KMT2B: variants seen among roughly 807,000 people sequenced by gnomAD.
KMT2B encodes histone-lysine N-methyltransferase 2B.
A neutral mutation model predicts 255.3 loss-of-function variants in KMT2B; 22 were observed. That is an observed-to-expected ratio of 0.09 (90% confidence interval 0.06 to 0.12). The LOEUF (loss-of-function observed/expected upper bound fraction) is 0.12, where lower values mean the gene tolerates loss of function less well. Among genes scored for constraint, KMT2B ranks in the 10% least tolerant of loss-of-function variants. The pLI is 1.00. For missense variants in KMT2B, 3,149 were observed against 3,737.0 expected (o/e 0.84, Z 4.10); for synonymous variants, 1,730 against 1,498.1 (o/e 1.15, Z -3.57).
At chr19:35,734,719 G>A (rs3848663) in intron 30 of KMT2B, among the ~76,000 whole-genome samples, 22,970 of 152,086 alleles carry the variant, frequency 0.15, 1,868 homozygotes, top group South Asian at 0.27. Context: ...GTGGAGTGGT[G>A]GAGTTTTCTG....
Position 35,733,527 on chromosome 19 carries a change from G to C in KMT2B, c.6959+19G>C. 6.4e-7 allele frequency: 1 copy of C among 1,553,620 alleles called. No individual in the cohort carries two copies. Among genetic ancestry groups the C allele is most frequent in the African/African-American group, 1.4e-5 (1 of 73,276 alleles). ...GTGGCGGGTGAGTGCGGGTGCTGAG[G>C]CTGGCAGAGCAGGCAAGGGGGCAGA... On this transcript the variant is annotated intron_variant, in intron 28 of 36. Coordinates refer to ENST00000420124, the MANE Select transcript of KMT2B (RefSeq NM_014727.3). This position sits in a 1 kb window ranked among gnomAD's most constrained non-coding sequence, Gnocchi z 4.3.
Position 35,738,615 on chromosome 19 carries a change from CCCCTAGCCTGGGGGCT to C in KMT2B, c.*67_*82del. 1.9e-6 allele frequency: 3 copies of C among 1,559,764 alleles called. No homozygotes were observed. The highest frequency in any genetic ancestry group is 1.8e-5 in the Admixed American group (1 of 55,408). ...TCCTGCTGCCGTCGCTGCCATCTTG[CCCCTAGCCTGGGGGCT>C]CCCTAGCCCCTCCCAGAGCATCTCA... On this transcript the variant is annotated 3_prime_UTR_variant, in exon 37 of 37. Coordinates refer to ENST00000420124, the MANE Select transcript of KMT2B (RefSeq NM_014727.3). The surrounding 1 kb of genome is among the most constrained non-coding windows in gnomAD (Gnocchi z 8.7).
chr19:35,727,759 G>T lies in KMT2B; in HGVS notation c.4364G>T (p.Arg1455Leu). 1 of 1,613,874 alleles carries T rather than the reference G, an allele frequency of 6.2e-7. No individual in the cohort carries two copies. The highest frequency in any genetic ancestry group is 2.2e-5 in the East Asian group (1 of 44,876). ...TGCGGCCTGCAAGCTGTGAGTCAGC[G>T]CTTCGAGGATGGCCACTACAAGTCT... ...GPCGLQAVSQ[R>L]FEDGHYKSVH... The change falls in exon 17 of 37, where the codon CGC becomes CTC. Residue 1455 changes from arginine to leucine, a missense_variant. By Grantham distance (102) the Arg-to-Leu change is moderately radical (BLOSUM62 -2). This residue lies in a region of KMT2B where 377 missense variants were observed against 471.0 expected (regional missense o/e 0.80). Coordinates refer to ENST00000420124, the MANE Select transcript of KMT2B (RefSeq NM_014727.3). This position sits in a 1 kb window ranked among gnomAD's most constrained non-coding sequence, Gnocchi z 4.2.
intron 1 of KMT2B, 86 bp from the exon 2 acceptor site, chr19:35,719,383 T>C: frequency 1.1e-6 from 1 of 951,732 alleles, no homozygotes; most frequent in Non-Finnish European, 1.6e-6. Flanking sequence ...AAGTGGGAAC[T>C]GGGGATATTC....
chr19:35,729,723 C>T (rs1293895845), intron 22 of KMT2B, among the ~76,000 whole-genome samples: 5 of 152,176 alleles, frequency 3.3e-5, no homozygotes, highest in East Asian at 1.9e-4. Flanking sequence ...ACACAACCTC[C>T]GCCTGAAAAC....
In KMT2B at chr19:35,721,207, T is replaced by TCCGCCC; in HGVS notation, c.1862_1863insGCCCCC (p.Pro622_Pro623dup). 1.0e-6 allele frequency: 1 copy of TCCGCCC among 986,244 alleles called. No homozygotes were observed. The highest frequency in any genetic ancestry group is 1.9e-5 in the South Asian group (1 of 53,220). 61.1% of individuals were successfully genotyped at this position (986,244 alleles called of 1,614,324 possible). A position where few individuals can be genotyped will look rare whatever the true frequency, so the allele number is the denominator to read the frequency against. On this transcript the variant is annotated inframe_insertion, in exon 3 of 37. Coordinates refer to ENST00000420124, the MANE Select transcript of KMT2B (RefSeq NM_014727.3). ...CCTCACTGACCCGGGAGCTGCCCCC[T>TCCGCCC]CCTCCCCCAGCCCCTCCACCTCCCC...
intron 30 of KMT2B, among the ~76,000 whole-genome samples, chr19:35,734,985 A>T (rs911947237): frequency 6.6e-6 from 1 of 152,192 alleles, no homozygotes; most frequent in African/African-American, 2.4e-5. Flanking sequence ...CAGGGATCAG[A>T]CCACATTTTG....
At position 35,733,269 on chromosome 19, in the gene KMT2B, C is replaced by A. The variant is rs923176238; in HGVS notation, c.6720C>A (p.Leu2240=). Residue 2240 remains leucine (L), a synonymous_variant, in exon 28 of 37, where the codon CTC becomes CTA. Coordinates refer to ENST00000420124, the MANE Select transcript of KMT2B (RefSeq NM_014727.3). This position sits in a 1 kb window ranked among gnomAD's most constrained non-coding sequence, Gnocchi z 4.3. The part of the protein sequence containing the change: ...TSWTLPPGPL[L]GVLPVVGVVR... ...GGACTCTGCCCCCAGGCCCCCTCCT[C>A]GGCGTGCTGCCCGTGGTCGGAGTGG... 1.4e-6 allele frequency: 2 copies of A among 1,477,288 alleles called. No individual in the cohort carries two copies. Among genetic ancestry groups the A allele is most frequent in the Non-Finnish European group, 1.8e-6 (2 of 1,083,868 alleles). The allele number at this position is 1,477,288 out of a possible 1,614,324, so 91.5% of individuals were successfully genotyped here.
rs79037832 is a variant in KMT2B at position 35,726,504 on chromosome 19, GTCCA to G, written c.4003+156_4003+159del. Among the ~76,000 whole-genome samples the G allele has an allele frequency of 2.6e-4, 39 of 152,268 alleles. No individual in the cohort carries two copies. The East Asian group carries it at 6.9e-3, about 27-fold the overall frequency. On this transcript the variant is annotated intron_variant, in intron 14 of 36. Coordinates refer to ENST00000420124, the MANE Select transcript of KMT2B (RefSeq NM_014727.3). ...CAACTCAGGGAACTCTTCCACAGGA[GTCCA>G]TCCAGTATGTAAAACAGGGACACAT...
rs1410232890 is a variant in KMT2B, at chr19:35,733,879, A to G, written c.7159+7A>G. On this transcript the variant is annotated splice_region_variant and intron_variant, in intron 30 of 36. Transcript: ENST00000420124. This position sits in a 1 kb window ranked among gnomAD's most constrained non-coding sequence, Gnocchi z 4.3. The stretch of plus-strand genomic sequence containing the variant: ...CAGTGGCACCACTATTCAGGTAGGG[A>G]CCGGCCTTGCCCTCTCCCTCCTTGC... 1.2e-6 allele frequency: 2 copies of G among 1,600,900 alleles called. No individual in the cohort carries two copies. Among genetic ancestry groups the G allele is most frequent in the Non-Finnish European group, 1.7e-6 (2 of 1,168,778 alleles).
Position 35,737,098 on chromosome 19 carries a change from C to T in KMT2B, c.7385C>T (p.Ala2462Val), listed in dbSNP as rs751795961. ...RHLSFSGMSG[A>V]RLLGIHHDAV... is the part of the protein sequence containing the mutation. ...CATCTCCCCTCAGGAATGAGTGGGG[C>T]GAGACTCCTGGGCATCCACCATGAT... The change falls in exon 33 of 37, where the codon GCG (alanine) becomes GTG (valine). Residue 2462 changes from alanine to valine, a missense_variant. Ala to Val is a moderately conservative substitution (Grantham distance 64). This residue lies in a region of KMT2B where 103 missense variants were observed against 200.7 expected (regional missense o/e 0.51). Coordinates refer to ENST00000420124, the MANE Select transcript of KMT2B (RefSeq NM_014727.3). This position sits in a 1 kb window ranked among gnomAD's most constrained non-coding sequence, Gnocchi z 5.3. 5.0e-6 allele frequency: 8 copies of T among 1,609,704 alleles called. No individual in the cohort carries two copies. The highest frequency in any genetic ancestry group is 1.1e-5 in the South Asian group (1 of 90,618).
At chr19:35,730,676 A>G (rs555434245) in intron 25 of KMT2B, 31 bp from the exon 26 acceptor site, 7 of 1,613,802 alleles carry the variant, frequency 4.3e-6, no homozygotes, top group Non-Finnish European at 5.9e-6. Context: ...CCATTTCCCA[A>G]GCATCCTAAC....
chr19:35,722,449 G>A lies in KMT2B; in HGVS notation c.2548G>A (p.Glu850Lys). 17 of 1,609,094 alleles carry A rather than the reference G, an allele frequency of 1.1e-5. No individual in the cohort carries two copies. The highest frequency in any genetic ancestry group is 1.4e-5 in the Non-Finnish European group (17 of 1,179,792). The change falls in exon 4 of 37, where the codon GAA becomes AAA. Residue 850 changes from glutamate (E) to lysine (K), a missense_variant. Glu to Lys is a moderately conservative substitution (Grantham distance 56, BLOSUM62 1). Coordinates refer to ENST00000420124, the MANE Select transcript of KMT2B (RefSeq NM_014727.3). The stretch of plus-strand genomic sequence containing the variant: ...TGTCCGGTCTGAAGATGAGTCGGTG[G>A]AAGCTAAGAGAGAGCGGCCCTCAGT... ...GPVRSEDESV[E>K]AKRERPSGPE...
chr19:35,732,164 G>A lies in KMT2B; in HGVS notation c.5665+29G>A, dbSNP rs747792569. On this transcript the variant is annotated intron_variant, in intron 27 of 36. Transcript: ENST00000420124. ...AGCACCGGGCATGTGGGGGTTGGGG[G>A]TGGAGCCGCGGAGGTGGGAGCTGCT... 25 of 1,569,398 alleles carry A rather than the reference G, an allele frequency of 1.6e-5. No homozygotes were observed. The South Asian group carries it at 2.5e-4, about 16-fold the overall frequency.
rs1476380759 is a variant in KMT2B, at chr19:35,720,265, G to A, written c.918G>A (p.Lys306=). The change falls in exon 3 of 37, where the codon AAG becomes AAA. Residue 306 remains lysine, a synonymous_variant. Transcript: ENST00000420124. ...GTGGTGGGCTCCCCTTTGTGATCAAGTTTGTTTCAAGGGCCAAAAAAGTAA... is the reference window on the plus strand; with the variant it reads ...GTGGTGGGCTCCCCTTTGTGATCAAATTTGTTTCAAGGGCCAAAAAAGTAA... ...GRGGGLPFVI[K]FVSRAKKVKM... 1 of 1,613,000 alleles carries A rather than the reference G, an allele frequency of 6.2e-7. No homozygotes were observed. The highest frequency in any genetic ancestry group is 8.5e-7 in the Non-Finnish European group (1 of 1,179,674).
chr19:35,723,898 A>C lies in KMT2B; in HGVS notation c.3225A>C (p.Ser1075=). The part of the protein sequence containing the change: ...EEQDSLLQRK[S]ARRCVKQRPS... ...AGGACTCCCTCCTGCAGCGCAAGTCAGCTCGGCGCTGCGTCAAACAGCGAC... is the reference window on the plus strand; with the variant it reads ...AGGACTCCCTCCTGCAGCGCAAGTCCGCTCGGCGCTGCGTCAAACAGCGAC... The change falls in exon 8 of 37, where the codon TCA becomes TCC. Residue 1075 remains serine, a synonymous_variant. Coordinates refer to ENST00000420124, the MANE Select transcript of KMT2B (RefSeq NM_014727.3). This position sits in a 1 kb window ranked among gnomAD's most constrained non-coding sequence, Gnocchi z 7.5. 6.2e-7 allele frequency: 1 copy of C among 1,611,740 alleles called. No individual in the cohort carries two copies. The highest frequency in any genetic ancestry group is 1.1e-5 in the South Asian group (1 of 90,786).
chr19:35,725,653 G>A lies in KMT2B; in HGVS notation c.3789+28G>A, dbSNP rs764666861. The A allele has an allele frequency of 3.7e-6, 6 of 1,612,454 alleles. No individual in the cohort carries two copies. The South Asian group carries it at 5.5e-5, about 15-fold the overall frequency. On this transcript the variant is annotated intron_variant, in intron 12 of 36. Coordinates refer to ENST00000420124, the MANE Select transcript of KMT2B (RefSeq NM_014727.3). This position sits in a 1 kb window ranked among gnomAD's most constrained non-coding sequence, Gnocchi z 4.1. The stretch of plus-strand genomic sequence containing the variant: ...TTGGGCCCAAGGGCTGGCCAGGGTG[G>A]GTGGAGGCCTGAAGGTGAGGGCATC...
rs780764875 is a variant in KMT2B at position 35,720,355 on chromosome 19, G to T, written c.1008G>T (p.Trp336Cys). The change falls in exon 3 of 37, where the codon TGG (tryptophan) becomes TGT (cysteine). Residue 336 changes from tryptophan (W) to cysteine (C), a missense_variant. Trp to Cys is a radical substitution (Grantham distance 215). Coordinates refer to ENST00000420124, the MANE Select transcript of KMT2B (RefSeq NM_014727.3). ...GTCAAGGTCAACATGAGGAAAGTTGGCAGGATGTCCCCCAAAGAAGAGTTG... is the reference window on the plus strand; with the variant it reads ...GTCAAGGTCAACATGAGGAAAGTTGTCAGGATGTCCCCCAAAGAAGAGTTG... ...GQGQGQHEES[W>C]QDVPQRRVGS... The T allele has an allele frequency of 2.5e-6, 4 of 1,606,354 alleles. No individual in the cohort carries two copies. The highest frequency in any genetic ancestry group is 1.1e-5 in the South Asian group (1 of 89,462).
rs774265693 is a variant in KMT2B, at chr19:35,723,813, G to A, written c.3140G>A (p.Arg1047Gln). 7.5e-6 allele frequency: 12 copies of A among 1,591,568 alleles called. No homozygotes were observed. The highest frequency in any genetic ancestry group is 2.7e-5 in the African/African-American group (2 of 74,196). ...TCCCCTGGTCCTCCAGGCCCACGCC[G>A]GGGGGCGGGAGCTGGGGGGCCCCGG... ...EASPGPPGPR[R>Q]GAGAGGPREE... The change falls in exon 8 of 37, where the codon CGG becomes CAG. Residue 1047 changes from arginine (R) to glutamine (Q), a missense_variant. By Grantham distance (43) the Arg-to-Gln change is conservative. This residue lies in a region of KMT2B where 50 missense variants were observed against 71.9 expected (regional missense o/e 0.70). Transcript: ENST00000420124. This position sits in a 1 kb window ranked among gnomAD's most constrained non-coding sequence, Gnocchi z 7.5.
Sources: gnomAD v4.1 joint callset for allele counts (sites outside exome capture counted in the v4.1 genomes callset) on GRCh38, gnomAD v4.1.1 for gene constraint, gnomAD v4.1.1 regional missense constraint, Gnocchi (gnomAD v3.1) non-coding constraint, MANE v1.5 for transcripts, NCBI Gene and HGNC (gene_info 2026-07-23, HGNC 2026-07-21) for gene names.